CFAP299: variants seen among roughly 807,000 people sequenced by gnomAD.
The protein encoded by CFAP299 is cilia- and flagella-associated protein 299.
Under a neutral mutation model 27.0 loss-of-function variants are expected in CFAP299, and 21 were observed. The observed-to-expected ratio is 0.78, with a 90% CI of 0.55 to 1.12. The LOEUF (loss-of-function observed/expected upper bound fraction) is 1.12, where lower values mean the gene tolerates loss of function less well. Among genes scored for constraint, CFAP299 ranks in the 50% most tolerant of loss-of-function variants. The pLI, the probability that CFAP299 is intolerant of heterozygous loss-of-function variation, is 0.00. For missense variants in CFAP299, 310 were observed against 276.6 expected, an observed-to-expected ratio of 1.12 and a Z score of -0.86; for synonymous variants, 104 against 98.1, an observed-to-expected ratio of 1.06 and a Z score of -0.36.
intron 2 of CFAP299, among the ~76,000 whole-genome samples, chr4:80,399,500 A>G (rs1726014497): frequency 6.6e-6 from 1 of 152,158 alleles, no homozygotes; most frequent in South Asian, 2.1e-4. Flanking sequence ...ACCATGGAAT[A>G]CTATACGGCC....
intron 2 of CFAP299, among the ~76,000 whole-genome samples, chr4:80,397,699 A>G (rs1725882736): frequency 1.3e-5 from 2 of 152,276 alleles, no homozygotes; most frequent in South Asian, 4.1e-4. Flanking sequence ...AAATAATAAG[A>G]GCTATTTATG....
rs190832481 is a variant in CFAP299 at position 80,563,880 on chromosome 4, C to A, written c.243-19213C>A. On this transcript the variant is annotated intron_variant, in intron 2 of 5. Coordinates refer to ENST00000358105, the MANE Select transcript of CFAP299 (RefSeq NM_152770.3). ...AAAAATCACATTACAACTGATACTG[C>A]AGAAATTCAAAAGATCATTAGTGGC... Among the ~76,000 whole-genome samples, 13 of 152,062 alleles carry A rather than the reference C, an allele frequency of 8.5e-5. No individual in the cohort carries two copies. In the East Asian group the frequency reaches 2.5e-3, roughly 29 times the overall value.
chr4:80,527,261 A>G (rs567389346), intron 2 of CFAP299, among the ~76,000 whole-genome samples: 5 of 152,176 alleles, frequency 3.3e-5, no homozygotes, highest in African/African-American at 1.2e-4. Context: ...CTTAACAGAA[A>G]CATTTGTTCT....
Position 80,484,929 on chromosome 4 carries a change from A to G in CFAP299, c.243-98164A>G, listed in dbSNP as rs534129553. Among the ~76,000 whole-genome samples the G allele has an allele frequency of 1.2e-4, 18 of 152,272 alleles. No individual in the cohort carries two copies. In the East Asian group the frequency reaches 3.3e-3, roughly 28 times the overall value. ...TTCCTTATAGAAAAACCTCAGCTGT[A>G]AAGTATGGAAGGAATGACAGCATTA... On this transcript the variant is annotated intron_variant, in intron 2 of 5. Coordinates refer to ENST00000358105, the MANE Select transcript of CFAP299 (RefSeq NM_152770.3).
chr4:80,654,770 G>A (rs550871555), intron 3 of CFAP299, among the ~76,000 whole-genome samples: 2 of 149,506 alleles, frequency 1.3e-5, no homozygotes, highest in Admixed American at 6.7e-5. Flanking sequence ...CCACCATGCC[G>A]AGCTAATTTT....
rs1384695414 is a variant in CFAP299 at position 80,799,983 on chromosome 4, T to C, written c.334-70010T>C. Among the ~76,000 whole-genome samples the C allele has an allele frequency of 1.0e-4, 6 of 57,220 alleles. No homozygotes were observed. In the East Asian group the frequency reaches 4.1e-3, roughly 39 times the overall value. The allele number at this position is 57,220 out of a possible 152,430, so 37.5% of individuals were successfully genotyped here. On this transcript the variant is annotated intron_variant, in intron 3 of 5. Transcript: ENST00000358105. ...AATATAATATTTATATAATATAATATATGTAATATATATTATGATATATAA... is the reference window on the plus strand; with the variant it reads ...AATATAATATTTATATAATATAATACATGTAATATATATTATGATATATAA...
chr4:80,751,637 T>C (rs1401064355), intron 3 of CFAP299, among the ~76,000 whole-genome samples: 1 of 152,120 alleles, frequency 6.6e-6, no homozygotes, highest in Non-Finnish European at 1.5e-5. Context: ...AGCTGTGCTG[T>C]TGTGGGGCAC....
chr4:80,768,644 A>G (rs1726034554), intron 3 of CFAP299, among the ~76,000 whole-genome samples: 1 of 152,090 alleles, frequency 6.6e-6, no homozygotes, highest in African/African-American at 2.4e-5. Flanking sequence ...ACAGAAAATT[A>G]TTTTTTTGCC....
At position 80,386,272 on chromosome 4, in the gene CFAP299, A is replaced by G; in HGVS notation, c.242+23388A>G. On this transcript the variant is annotated intron_variant, in intron 2 of 5. Coordinates refer to ENST00000358105, the MANE Select transcript of CFAP299 (RefSeq NM_152770.3). ...CCCCGCCAGAGCCAGGTTGGAGCCC[A>G]GCCCCTCAGCTGTCCAGGTACCACC... The G allele has an allele frequency of 2.5e-6, 3 of 1,223,784 alleles. No individual in the cohort carries two copies. The South Asian group carries it at 3.9e-5, about 16-fold the overall frequency. 75.8% of individuals were successfully genotyped at this position (1,223,784 alleles called of 1,614,324 possible).
At chr4:80,738,788 G>C (rs1724074632) in intron 3 of CFAP299, among the ~76,000 whole-genome samples, 1 of 151,444 alleles carries the variant, frequency 6.6e-6, no homozygotes, top group African/African-American at 2.4e-5. Context: ...TCTGTTTTCT[G>C]GTTGTTTTGG....
chr4:80,681,689 C>A (rs372460486), intron 3 of CFAP299, among the ~76,000 whole-genome samples: 21 of 152,212 alleles, frequency 1.4e-4, no homozygotes, highest in African/African-American at 5.1e-4. Context: ...TGTAATGTGG[C>A]ATAGGCTTAG....
chr4:80,627,671 C>G lies in CFAP299; in HGVS notation c.333+44488C>G, dbSNP rs1738978581. Among the ~76,000 whole-genome samples the G allele has an allele frequency of 2.6e-5, 4 of 151,936 alleles. 1 individual carries two copies. The South Asian group carries it at 8.3e-4, about 31-fold the overall frequency. On this transcript the variant is annotated intron_variant, in intron 3 of 5. Transcript: ENST00000358105. ...TGCAGGATACAAAATCAACATACAA[C>G]ACTCGGTAGTGTTTCTATTCACTAA...
intron 2 of CFAP299, among the ~76,000 whole-genome samples, chr4:80,480,115 T>C (rs1234900795): frequency 6.6e-6 from 1 of 152,004 alleles, no homozygotes; most frequent in African/African-American, 2.4e-5. Flanking sequence ...TAAAACCTTT[T>C]ATTGTGTCCT....
chr4:80,348,996 T>C (rs574325854), intron 1 of CFAP299, among the ~76,000 whole-genome samples: 2 of 152,300 alleles, frequency 1.3e-5, no homozygotes, highest in African/African-American at 2.4e-5. Flanking sequence ...TAGTGATGAA[T>C]TGGTGTCTGG....
intron 3 of CFAP299, among the ~76,000 whole-genome samples, chr4:80,593,597 T>G (rs1289434947): frequency 6.6e-6 from 1 of 152,144 alleles, no homozygotes; most frequent in Non-Finnish European, 1.5e-5. Context: ...TGGTCTTCTC[T>G]TTTTTTCCTG....
chr4:80,679,375 C>T (rs1291718241), intron 3 of CFAP299, among the ~76,000 whole-genome samples: 2 of 151,890 alleles, frequency 1.3e-5, no homozygotes, highest in Non-Finnish European at 2.9e-5. Flanking sequence ...AATAAAAATG[C>T]TATAATTATA....
chr4:80,800,231 T>C (rs1728356340), intron 3 of CFAP299, among the ~76,000 whole-genome samples: 1 of 73,972 alleles, frequency 1.4e-5, no homozygotes, highest in African/African-American at 5.6e-5. Context: ...TAATATATAA[T>C]AAATAATATA....
At chr4:80,722,681 A>C (rs931291439) in intron 3 of CFAP299, among the ~76,000 whole-genome samples, 1 of 152,134 alleles carries the variant, frequency 6.6e-6, no homozygotes, top group African/African-American at 2.4e-5. Context: ...CAGGCGGATC[A>C]CGAGGTCAGG....
At chr4:80,942,325 G>A (rs955558807) in intron 4 of CFAP299, among the ~76,000 whole-genome samples, 11 of 152,066 alleles carry the variant, frequency 7.2e-5, no homozygotes, top group African/African-American at 1.9e-4. Flanking sequence ...AGTCTTTAAC[G>A]TTGGAATCCA....
Sources: gnomAD v4.1 joint callset for allele counts (sites outside exome capture counted in the v4.1 genomes callset) on GRCh38, gnomAD v4.1.1 for gene constraint, MANE v1.5 for transcripts, NCBI Gene and HGNC (gene_info 2026-07-23, HGNC 2026-07-21) for gene names.